DYSF: variants seen among roughly 807,000 people sequenced by gnomAD.
DYSF encodes the protein dystrophy-associated fer-1-like 1.
Under a neutral mutation model 274.9 loss-of-function variants are expected in DYSF, and 212 were observed. The ratio of observed to expected loss-of-function variants is 0.77; its 90% CI spans 0.69 to 0.86. The LOEUF (loss-of-function observed/expected upper bound fraction) is 0.86, where lower values mean the gene tolerates loss of function less well. Ranked by LOEUF, DYSF falls within the 40% of genes least tolerant of loss-of-function variation. The probability of loss-of-function intolerance (pLI) is 0.00; values close to 1 mark genes in which losing one functional copy is unlikely to be tolerated. For missense variants in DYSF, 2,666 were observed against 2,783.2 expected (o/e 0.96, Z 0.95); for synonymous variants, 1,091 against 1,078.7 (o/e 1.01, Z -0.22).
intron 1 of DYSF, among the ~76,000 whole-genome samples, chr2:71,469,831 G>A (rs2081842799): frequency 6.6e-6 from 1 of 152,162 alleles, no homozygotes; most frequent in Non-Finnish European, 1.5e-5. Flanking sequence ...GTGTCAACGA[G>A]CAGCTTAATT....
At chr2:71,510,093 A>G (rs2085926144) in intron 4 of DYSF, among the ~76,000 whole-genome samples, 1 of 152,182 alleles carries the variant, frequency 6.6e-6, no homozygotes, top group East Asian at 1.9e-4. Context: ...TGTTTTTAAG[A>G]ATCAGTCATT....
intron 14 of DYSF, among the ~76,000 whole-genome samples, chr2:71,533,214 T>C (rs943955028): frequency 2.6e-5 from 4 of 152,168 alleles, no homozygotes; most frequent in African/African-American, 9.7e-5. Flanking sequence ...GAGACAGGGC[T>C]TTGCCACATT....
rs1054477388 is a variant in DYSF, at chr2:71,669,594, T to C, written c.5643-11T>C. ...TAATGAGAACTATTCTCTAAAAACA[T>C]GTATGTCTAGTTGGATGATTGGCTT... On this transcript the variant is annotated splice_polypyrimidine_tract_variant and intron_variant, in intron 50 of 55. Transcript: ENST00000410020. The C allele has an allele frequency of 1.9e-6, 3 of 1,614,196 alleles. No homozygotes were observed. The highest frequency in any genetic ancestry group is 2.5e-6 in the Non-Finnish European group (3 of 1,180,034).
chr2:71,645,436 G>C (rs565641505), intron 42 of DYSF, among the ~76,000 whole-genome samples: 1 of 152,134 alleles, frequency 6.6e-6, no homozygotes, highest in South Asian at 2.1e-4. Flanking sequence ...CTGTTGGTGT[G>C]CTCCTACGCC....
At chr2:71,552,942 G>A (rs2091055056) in intron 19 of DYSF, 69 bp from the exon 20 acceptor site, 1 of 1,556,608 alleles carries the variant, frequency 6.4e-7, no homozygotes, top group Non-Finnish European at 8.8e-7. Context: ...CCAGACGTAT[G>A]TCCCCTCCCC....
intron 32 of DYSF, among the ~76,000 whole-genome samples, chr2:71,590,997 C>G (rs1288269360): frequency 6.6e-6 from 1 of 152,212 alleles, no homozygotes; most frequent in Non-Finnish European, 1.5e-5. Context: ...ACATCCCTCC[C>G]CTGATTTCAA....
At chr2:71,591,808 T>TC (rs1241806597) in intron 32 of DYSF, among the ~76,000 whole-genome samples, 1 of 152,194 alleles carries the variant, frequency 6.6e-6, no homozygotes, top group Non-Finnish European at 1.5e-5. Context: ...TGTGTCCTTC[T>TC]CTCCAGCAGC....
At chr2:71,629,443 G>C (rs897030092) in intron 41 of DYSF, among the ~76,000 whole-genome samples, 1 of 152,154 alleles carries the variant, frequency 6.6e-6, no homozygotes, top group Non-Finnish European at 1.5e-5. Flanking sequence ...GGCTCTAGCT[G>C]GCTCTTGCTC....
chr2:71,536,057 C>T (rs908891100), intron 16 of DYSF, among the ~76,000 whole-genome samples: 9 of 152,182 alleles, frequency 5.9e-5, no homozygotes, highest in African/African-American at 1.4e-4. Context: ...CCAAAGCCTG[C>T]GTTCCTAACC....
intron 34 of DYSF, 160 bp from the exon 35 acceptor site, chr2:71,601,339 G>A: frequency 1.1e-6 from 1 of 921,948 alleles, no homozygotes; most frequent in Non-Finnish European, 1.8e-6. Context: ...GTGTCTGGAG[G>A]AATGGGCACA....
chr2:71,541,160 T>C (rs1279974689), intron 17 of DYSF, among the ~76,000 whole-genome samples: 1 of 152,182 alleles, frequency 6.6e-6, no homozygotes, highest in East Asian at 1.9e-4. Flanking sequence ...ATTGTAAAGA[T>C]TTAAAGTCTT....
intron 22 of DYSF, among the ~76,000 whole-genome samples, chr2:71,557,800 C>CT (rs1260459226): frequency 6.6e-6 from 1 of 152,070 alleles, no homozygotes; most frequent in African/African-American, 2.4e-5. Flanking sequence ...AATCCCAGCA[C>CT]TTTGGGAGAC....
chr2:71,589,748 G>A (rs1456956284), intron 31 of DYSF, 62 bp downstream of exon 31: 10 of 1,471,008 alleles, frequency 6.8e-6, no homozygotes, highest in Non-Finnish European at 9.5e-6. Flanking sequence ...GCTTCTGTTT[G>A]GATGGAGTTA....
chr2:71,628,922 A>G (rs1315665156), intron 41 of DYSF, among the ~76,000 whole-genome samples: 1 of 152,152 alleles, frequency 6.6e-6, no homozygotes, highest in Non-Finnish European at 1.5e-5. Context: ...ACTGCACTCT[A>G]GCCTGGCCCA....
At chr2:71,600,595 C>T in intron 33 of DYSF, 107 bp from the exon 34 acceptor site, 9 of 1,521,582 alleles carry the variant, frequency 5.9e-6, no homozygotes, top group Non-Finnish European at 8.1e-6. Context: ...GCCCTTACTA[C>T]TGAGGCCCTT....
chr2:71,562,503 C>A (rs995687089), intron 23 of DYSF, among the ~76,000 whole-genome samples: 1 of 152,192 alleles, frequency 6.6e-6, no homozygotes, highest in Non-Finnish European at 1.5e-5. Flanking sequence ...GCAGACCCTC[C>A]CCCTGAGGTC....
chr2:71,535,310 T>G lies in DYSF; in HGVS notation c.1492T>G (p.Trp498Gly), dbSNP rs2089208104. 5.0e-6 allele frequency: 8 copies of G among 1,614,116 alleles called. No individual in the cohort carries two copies. The highest frequency in any genetic ancestry group is 5.9e-6 in the Non-Finnish European group (7 of 1,179,980). Reference protein sequence around the residue: ...CEKMRIRIIDWDRLTHNDIVA... With the variant: ...CEKMRIRIIDGDRLTHNDIVA... ...AAAAATGAGGATTCGTATCATAGAC[T>G]GGTGAGTTCTGAGTCTTGGAGTCTT... Residue 498 changes from tryptophan (W) to glycine (G), a missense_variant and splice_region_variant, in exon 16 of 56, where the codon TGG becomes GGG. Trp to Gly is a radical substitution (Grantham distance 184). Coordinates refer to ENST00000410020, the MANE Select transcript of DYSF (RefSeq NM_001130987.2).
intron 1 of DYSF, among the ~76,000 whole-genome samples, chr2:71,469,956 T>C (rs533364794): frequency 6.6e-6 from 1 of 152,342 alleles, no homozygotes; most frequent in South Asian, 2.1e-4. Context: ...AAATATTTAC[T>C]GAGTACCTAC....
intron 51 of DYSF, among the ~76,000 whole-genome samples, chr2:71,672,015 C>T (rs1457593603): frequency 1.3e-5 from 2 of 151,998 alleles, no homozygotes; most frequent in African/African-American, 2.4e-5. Flanking sequence ...GAGAGGCTCA[C>T]TGGGAGGGAA....
Sources: allele counts gnomAD v4.1 joint callset (sites outside exome capture counted in the v4.1 genomes callset), GRCh38; gene constraint gnomAD v4.1.1; transcripts MANE v1.5; gene names NCBI Gene and HGNC (gene_info 2026-07-23, HGNC 2026-07-21).